Variants in DUSP26 observed in about 807,000 individuals in gnomAD.
DUSP26 encodes dual specificity protein phosphatase 26.
A neutral mutation model predicts 20.0 loss-of-function variants in DUSP26; 12 were observed. That is an observed-to-expected ratio of 0.60 (90% CI 0.38 to 0.97). DUSP26 has a LOEUF of 0.97. DUSP26 is among the 50% of genes least tolerant of loss of function. The pLI, the probability that DUSP26 is intolerant of heterozygous loss-of-function variation, is 0.00. For missense variants in DUSP26, 230 were observed against 294.0 expected (o/e 0.78, Z 1.59); for synonymous variants, 120 against 118.8 (o/e 1.01, Z -0.06).
Position 33,597,248 on chromosome 8 carries a change from C to A in DUSP26, c.221+47G>T, listed in dbSNP as rs1293655665. 3 of 1,532,102 alleles carry A rather than the reference C, an allele frequency of 2.0e-6. No homozygotes were observed. The African/African-American group carries it at 4.1e-5, about 21-fold the overall frequency. The allele number at this position is 1,532,102 out of a possible 1,614,324, so 94.9% of individuals were successfully genotyped here. A position where few individuals can be genotyped will look rare whatever the true frequency, so the allele number is the denominator to read the frequency against. On this transcript the variant is annotated intron_variant, in intron 2 of 3. Coordinates refer to ENST00000256261, the MANE Select transcript of DUSP26 (RefSeq NM_024025.3). ...CCACCCTTCTCCTTTCTTACACACA[C>A]AAACACACACACGCTCTACCGTGGG...
Position 33,591,918 on chromosome 8 carries a change from C to A in DUSP26, c.*95G>T. The A allele has an allele frequency of 6.9e-7, 1 of 1,440,976 alleles. No homozygotes were observed. Among genetic ancestry groups the A allele is most frequent in the Non-Finnish European group, 9.5e-7 (1 of 1,053,592 alleles). The allele number at this position is 1,440,976 out of a possible 1,614,324, so 89.3% of individuals were successfully genotyped here. ...CTGACCCCAGGGGAGGATGGGTGAT[C>A]TGGGCCTCCTGCTACCTGCCACCTG... On this transcript the variant is annotated 3_prime_UTR_variant, in exon 4 of 4. Transcript: ENST00000256261.
intron 2 of DUSP26, 91 bp from the exon 3 acceptor site, chr8:33,593,838 A>G: frequency 6.9e-7 from 1 of 1,440,166 alleles, no homozygotes; most frequent in East Asian, 2.4e-5. Flanking sequence ...CCTGAATCCT[A>G]TTGTTGATTT....
intron 2 of DUSP26, among the ~76,000 whole-genome samples, chr8:33,595,380 G>T (rs1369722093): frequency 1.3e-4 from 19 of 143,516 alleles, no homozygotes; most frequent in African/African-American, 3.9e-4. Context: ...GTTGTTGTTT[G>T]TTTTTTTTTT....
chr8:33,597,694 T>A, intron 1 of DUSP26, 103 bp from the exon 2 acceptor site: 1 of 584,772 alleles, frequency 1.7e-6, no homozygotes, highest in East Asian at 2.9e-5. Flanking sequence ...GGAGAGAAGG[T>A]AAGCCTGGCT....
intron 2 of DUSP26, 103 bp from the exon 3 acceptor site, chr8:33,593,850 T>G (rs559897359): frequency 7.4e-7 from 1 of 1,342,414 alleles, no homozygotes; most frequent in South Asian, 1.3e-5. Flanking sequence ...TGTTGATTTT[T>G]TTTTGAGATG....
intron 1 of DUSP26, among the ~76,000 whole-genome samples, chr8:33,598,990 C>CA (rs1291956809): frequency 7.2e-5 from 11 of 152,212 alleles, no homozygotes; most frequent in African/African-American, 9.7e-5. Flanking sequence ...CAAGCACTTA[C>CA]AAGGCATTAG....
chr8:33,598,914 G>A (rs181536347), intron 1 of DUSP26, among the ~76,000 whole-genome samples: 12 of 152,256 alleles, frequency 7.9e-5, no homozygotes, highest in Admixed American at 7.2e-4. Flanking sequence ...CCCTGCCCAT[G>A]CTCTGTCCCC....
At chr8:33,597,626 G>C (rs780580575) in intron 1 of DUSP26, 35 bp from the exon 2 acceptor site, 2 of 896,002 alleles carry the variant, frequency 2.2e-6, no homozygotes, top group Non-Finnish European at 3.4e-6. Flanking sequence ...ACACTTGAGT[G>C]AGTCCAGAGC....
At chr8:33,597,210 G>T in intron 2 of DUSP26, 85 bp downstream of exon 2, 1 of 1,309,920 alleles carries the variant, frequency 7.6e-7, no homozygotes. Context: ...TGACACCACT[G>T]CATACCTGTC....
In DUSP26 at chr8:33,592,155, G is replaced by A; in HGVS notation, c.494C>T (p.Ala165Val). Residue 165 changes from alanine (A) to valine (V), a missense_variant, in exon 4 of 4, where the codon GCC (alanine) becomes GTC (valine). Coordinates refer to ENST00000256261, the MANE Select transcript of DUSP26 (RefSeq NM_024025.3). ...GVSRSATLVL[A>V]YLMLYHHLTL... ...AAGGTGGTGGTACAGCATGAGGTAG[G>A]CCAGTACCAGGGTGGCGGATCGGCT... is the stretch of plus-strand genomic sequence containing the variant. 1 of 1,614,006 alleles carries A rather than the reference G, an allele frequency of 6.2e-7. No homozygotes were observed. Among genetic ancestry groups the A allele is most frequent in the Non-Finnish European group, 8.5e-7 (1 of 1,179,992 alleles).
At chr8:33,595,692 T>C (rs1391514235) in intron 2 of DUSP26, among the ~76,000 whole-genome samples, 1 of 152,096 alleles carries the variant, frequency 6.6e-6, no homozygotes, top group Non-Finnish European at 1.5e-5. Context: ...TTTACCCTGT[T>C]TTATGACGTC....
chr8:33,597,879 G>GCACACACACA (rs1260206910), intron 1 of DUSP26: 1 of 85,710 alleles, frequency 1.2e-5, no homozygotes, highest in South Asian at 1.6e-4. Context: ...CTGCCAGCAC[G>GCACACACACA]CATACACACA....
chr8:33,593,501 G>C (rs779806348), intron 3 of DUSP26, 32 bp downstream of exon 3: 6 of 1,600,252 alleles, frequency 3.7e-6, no homozygotes, highest in Non-Finnish European at 5.1e-6. Flanking sequence ...CAGGCACCCT[G>C]TTCTTTCCTG....
chr8:33,592,262 G>A (rs1228277195), intron 3 of DUSP26, 50 bp from the exon 4 acceptor site: 2 of 1,505,766 alleles, frequency 1.3e-6, no homozygotes, highest in Non-Finnish European at 1.8e-6. Flanking sequence ...TGGCAGCTTG[G>A]AGGAGGCTGG....
intron 2 of DUSP26, among the ~76,000 whole-genome samples, chr8:33,594,032 C>G (rs1242807293): frequency 1.3e-5 from 2 of 151,946 alleles, no homozygotes. Flanking sequence ...GTTGGCCAGG[C>G]TGGTCTTGAA....
chr8:33,593,475 G>A (rs1811068822), intron 3 of DUSP26, 58 bp downstream of exon 3: 43 of 1,578,950 alleles, frequency 2.7e-5, no homozygotes, highest in South Asian at 4.5e-5. Context: ...TCAGACCCTT[G>A]GACTTCCCCA....
Position 33,592,227 on chromosome 8 carries a change from A to C in DUSP26, c.437-15T>G, listed in dbSNP as rs560819602. The C allele has an allele frequency of 1.3e-6, 2 of 1,584,998 alleles. No homozygotes were observed. The highest frequency in any genetic ancestry group is 3.6e-5 in the Admixed American group (2 of 54,978). Reference sequence around the variant, plus strand: ...CAGGATCTTCCCTGAGAGGAGAGACACAGAGAGAGCTTTGAGACTGCTTGT... The same window carrying C: ...CAGGATCTTCCCTGAGAGGAGAGACCCAGAGAGAGCTTTGAGACTGCTTGT... On this transcript the variant is annotated splice_polypyrimidine_tract_variant and intron_variant, in intron 3 of 3. Coordinates refer to ENST00000256261, the MANE Select transcript of DUSP26 (RefSeq NM_024025.3).
At chr8:33,593,391 G>C in intron 3 of DUSP26, 142 bp downstream of exon 3, 1 of 955,094 alleles carries the variant, frequency 1.0e-6, no homozygotes, top group Non-Finnish European at 1.5e-6. Context: ...TAAAAAAATG[G>C]TTGAGATAAT....
At chr8:33,596,896 T>C (rs572659121) in intron 2 of DUSP26, among the ~76,000 whole-genome samples, 13 of 152,280 alleles carry the variant, frequency 8.5e-5, no homozygotes, top group African/African-American at 2.9e-4. Flanking sequence ...AAATATGTGA[T>C]ACATGAATGA....
Sources: gnomAD v4.1 joint callset for allele counts (sites outside exome capture counted in the v4.1 genomes callset) on GRCh38, gnomAD v4.1.1 for gene constraint, MANE v1.5 for transcripts, NCBI Gene and HGNC (gene_info 2026-07-23, HGNC 2026-07-21) for gene names.